Variants in KIF9 observed in about 807,000 individuals in gnomAD.
The protein encoded by KIF9 is kinesin-like protein KIF9.
A neutral mutation model predicts 94.8 loss-of-function variants in KIF9; 68 were observed. The observed-to-expected ratio is 0.72, with a 90% CI of 0.59 to 0.88. The LOEUF is 0.88. Among genes scored for constraint, KIF9 ranks in the 40% least tolerant of loss-of-function variants. The pLI is 0.00. For missense variants in KIF9, 882 were observed against 982.5 expected (o/e 0.90, Z 1.37); for synonymous variants, 343 against 362.1 (o/e 0.95, Z 0.60).
chr3:47,241,094 C>T lies in KIF9; in HGVS notation c.1710-79G>A, dbSNP rs138255888. The T allele has an allele frequency of 1.7e-5, 22 of 1,299,584 alleles. 1 individual carries two copies. In the Admixed American group the frequency reaches 2.0e-4, roughly 12 times the overall value. The allele number at this position is 1,299,584 out of a possible 1,614,324, so 80.5% of individuals were successfully genotyped here. ...CCACCAGGCACTTCATCTTTCTTCCCTGGGACTTCTGTGGCCAGGAGGCAG... is the reference window on the plus strand; with the variant it reads ...CCACCAGGCACTTCATCTTTCTTCCTTGGGACTTCTGTGGCCAGGAGGCAG... On this transcript the variant is annotated intron_variant, in intron 16 of 20. Coordinates refer to ENST00000684063, the MANE Select transcript of KIF9 (RefSeq NM_182902.4).
intron 10 of KIF9, among the ~76,000 whole-genome samples, chr3:47,255,057 T>C (rs1456698632): frequency 6.6e-6 from 1 of 152,206 alleles, no homozygotes; most frequent in African/African-American, 2.4e-5. Context: ...CTTCAGGATT[T>C]AGAATCTGAA....
At chr3:47,265,025 G>C (rs1371820893) in intron 8 of KIF9, among the ~76,000 whole-genome samples, 1 of 152,208 alleles carries the variant, frequency 6.6e-6, no homozygotes, top group East Asian at 1.9e-4. Flanking sequence ...CCAGTCTCCA[G>C]AACTATGTGA....
At chr3:47,274,162 T>C (rs933085859) in intron 3 of KIF9, among the ~76,000 whole-genome samples, 1 of 152,216 alleles carries the variant, frequency 6.6e-6, no homozygotes, top group African/African-American at 2.4e-5. Context: ...TGAGAATTCT[T>C]TGTAGACTAC....
chr3:47,282,178 C>T (rs1437072155), intron 1 of KIF9: 1 of 985,174 alleles, frequency 1.0e-6, no homozygotes, highest in Non-Finnish European at 1.2e-6. Context: ...TCCCAAAGCC[C>T]CCTCTAGTTC....
At chr3:47,248,304 TC>T in intron 10 of KIF9, 1 of 536,396 alleles carries the variant, frequency 1.9e-6, no homozygotes, top group Non-Finnish European at 3.3e-6. Context: ...ACCTGAACAG[TC>T]CCCTGGCCTT....
At position 47,248,836 on chromosome 3, in the gene KIF9, T is replaced by C. The variant is rs148486392; in HGVS notation, c.1060-750A>G. The stretch of plus-strand genomic sequence containing the variant: ...ATGGCTCACTGAAGCCTCAACCTCC[T>C]GGGCTCAAGCAATCCTCTCACCTCA... On this transcript the variant is annotated intron_variant, in intron 10 of 20. Coordinates refer to ENST00000684063, the MANE Select transcript of KIF9 (RefSeq NM_182902.4). Among the ~76,000 whole-genome samples the C allele has an allele frequency of 1.9e-3, 285 of 151,754 alleles. 2 individuals are homozygous for C. The highest frequency in any genetic ancestry group is 6.6e-3 in the African/African-American group (273 of 41,368).
At position 47,270,939 on chromosome 3, in the gene KIF9, G is replaced by C. The variant is rs541554920; in HGVS notation, c.591+298C>G. ...AGATCGCTTGAGCCCAAGAGTTCAA[G>C]ACCAGCCTGGGCAACATGGCCAGAC... On this transcript the variant is annotated intron_variant, in intron 5 of 20. Coordinates refer to ENST00000684063, the MANE Select transcript of KIF9 (RefSeq NM_182902.4). 6.1e-5 allele frequency among the ~76,000 whole-genome samples: 8 copies of C among 132,210 alleles called. No homozygotes were observed. The East Asian group carries it at 1.8e-3, about 29-fold the overall frequency. The allele number at this position is 132,210 out of a possible 152,430, so 86.7% of individuals were successfully genotyped here.
chr3:47,279,806 A>G (rs938811016), intron 1 of KIF9, among the ~76,000 whole-genome samples: 1 of 151,990 alleles, frequency 6.6e-6, no homozygotes, highest in African/African-American at 2.4e-5. Flanking sequence ...TTTAGTAGAG[A>G]TGGGGTTTCA....
intron 7 of KIF9, among the ~76,000 whole-genome samples, chr3:47,266,490 T>A (rs1701297327): frequency 6.6e-6 from 1 of 152,024 alleles, no homozygotes; most frequent in East Asian, 1.9e-4. Context: ...CAAAAAAATT[T>A]AAAAATTAGC....
intron 5 of KIF9, among the ~76,000 whole-genome samples, chr3:47,270,628 A>G (rs1012150485): frequency 6.6e-6 from 1 of 152,220 alleles, no homozygotes; most frequent in Non-Finnish European, 1.5e-5. Flanking sequence ...CTATGTAAAG[A>G]AAAAGCTGCA....
In KIF9 at chr3:47,282,630, G is replaced by A. The variant is rs767301583; in HGVS notation, c.-141C>T. The A allele has an allele frequency of 1.0e-5, 12 of 1,146,212 alleles. No homozygotes were observed. In the South Asian group the frequency reaches 2.6e-4, roughly 25 times the overall value. 71.0% of individuals were successfully genotyped at this position (1,146,212 alleles called of 1,614,324 possible). On this transcript the variant is annotated 5_prime_UTR_variant, in exon 1 of 21. Transcript: ENST00000684063. Reference sequence around the variant, plus strand: ...CTTCCGGGGATTCCGGAAGTGTCGGGGTGGCGGAAATGAAGTCCGAGGTCC... The same window carrying A: ...CTTCCGGGGATTCCGGAAGTGTCGGAGTGGCGGAAATGAAGTCCGAGGTCC...
At chr3:47,258,856 C>G (rs1355088627) in intron 9 of KIF9, among the ~76,000 whole-genome samples, 1 of 152,220 alleles carries the variant, frequency 6.6e-6, no homozygotes, top group South Asian at 2.1e-4. Flanking sequence ...ACTAATACAC[C>G]TTCTTTTTTG....
intron 5 of KIF9, among the ~76,000 whole-genome samples, chr3:47,268,927 G>C (rs1439162000): frequency 2.0e-5 from 3 of 151,932 alleles, no homozygotes; most frequent in Non-Finnish European, 4.4e-5. Flanking sequence ...GTACCCTCTT[G>C]CCTTGTCTTT....
intron 10 of KIF9, among the ~76,000 whole-genome samples, chr3:47,254,368 G>A (rs1053732524): frequency 2.0e-5 from 3 of 152,224 alleles, no homozygotes; most frequent in Non-Finnish European, 2.9e-5. Flanking sequence ...TGAGGCAAGA[G>A]AATAGCTTGA....
At chr3:47,246,344 G>A in intron 12 of KIF9, 92 bp from the exon 13 acceptor site, 1 of 998,162 alleles carries the variant, frequency 1.0e-6, no homozygotes, top group South Asian at 1.7e-5. Context: ...AGACCCCTTG[G>A]CTGACCCCTG....
In KIF9 at chr3:47,264,299, T is replaced by C; in HGVS notation, c.968A>G (p.Gln323Arg). 6.2e-7 allele frequency: 1 copy of C among 1,613,344 alleles called. No homozygotes were observed. ...LVTNIYGEAA[Q>R]LEETLSSLRF... ...GTCTTTACATACCGTTTCTTCTAAC[T>C]GGGCAGCTTCTCCATAGATGTTTGT... Residue 323 changes from glutamine to arginine, a missense_variant, in exon 9 of 21, where the codon CAG becomes CGG. Transcript: ENST00000684063.
chr3:47,242,699 A>C (rs1236597579), intron 16 of KIF9, among the ~76,000 whole-genome samples: 1 of 152,144 alleles, frequency 6.6e-6, no homozygotes, highest in East Asian at 1.9e-4. Flanking sequence ...CATGAGGGAG[A>C]GGGGCTGAGT....
rs774191088 is a variant in KIF9, at chr3:47,271,477, T to C, written c.367-16A>G. ...TCCTAAAAACCTAGATGACAGATTG[T>C]ACAGCGGTCACCAAGAGCAGAACCC... On this transcript the variant is annotated splice_polypyrimidine_tract_variant and intron_variant, in intron 4 of 20. Coordinates refer to ENST00000684063, the MANE Select transcript of KIF9 (RefSeq NM_182902.4). 8 of 1,606,496 alleles carry C rather than the reference T, an allele frequency of 5.0e-6. No homozygotes were observed. The African/African-American group carries it at 5.3e-5, about 11-fold the overall frequency.
chr3:47,250,854 C>A (rs1700230032), intron 10 of KIF9, among the ~76,000 whole-genome samples: 1 of 152,200 alleles, frequency 6.6e-6, no homozygotes, highest in African/African-American at 2.4e-5. Flanking sequence ...CCCACTGGCC[C>A]TCTCCCAGAC....
Sources: gnomAD v4.1 joint callset for allele counts (sites outside exome capture counted in the v4.1 genomes callset) on GRCh38, gnomAD v4.1.1 for gene constraint, MANE v1.5 for transcripts, NCBI Gene and HGNC (gene_info 2026-07-23, HGNC 2026-07-21) for gene names.